Variants in ETV5 observed in about 807,000 individuals in gnomAD.
The protein encoded by ETV5 is ETS variant transcription factor 5, also known as ETS translocation variant 5.
In ETV5, 10 loss-of-function variants were observed where a neutral mutation model predicts 70.0. That is an observed-to-expected ratio of 0.14 (90% CI 0.09 to 0.24). The LOEUF (loss-of-function observed/expected upper bound fraction) is 0.24, where lower values mean the gene tolerates loss of function less well. ETV5 is among the 10% of genes least tolerant of loss of function. ETV5 has a pLI of 1.00. For missense variants in ETV5, 453 were observed against 651.2 expected, an observed-to-expected ratio of 0.70 and a Z score of 3.31; for synonymous variants, 216 against 242.2, an observed-to-expected ratio of 0.89 and a Z score of 1.01.
intron 5 of ETV5, among the ~76,000 whole-genome samples, chr3:186,085,810 G>GC (rs1336396337): frequency 6.6e-6 from 1 of 152,088 alleles, no homozygotes; most frequent in Non-Finnish European, 1.5e-5. Flanking sequence ...GTACCCGGCA[G>GC]CCTTCACTTT....
At chr3:186,058,650 G>A (rs930734660) in intron 9 of ETV5, among the ~76,000 whole-genome samples, 1 of 152,198 alleles carries the variant, frequency 6.6e-6, no homozygotes, top group African/African-American at 2.4e-5. Flanking sequence ...CAATTATAAG[G>A]TTTAAGGGTT....
chr3:186,098,971 C>A (rs1456673099), intron 5 of ETV5, among the ~76,000 whole-genome samples: 1 of 152,188 alleles, frequency 6.6e-6, no homozygotes, highest in Non-Finnish European at 1.5e-5. Context: ...CAGCCTCAAA[C>A]TCCTGGCCTT....
At chr3:186,080,168 T>C in intron 6 of ETV5, 64 bp from the exon 7 acceptor site, 2 of 1,363,974 alleles carry the variant, frequency 1.5e-6, no homozygotes, top group Non-Finnish European at 1.9e-6. Flanking sequence ...GGTTACCAGG[T>C]CCAGCAGAAA....
Position 186,057,312 on chromosome 3 carries a change from G to A in ETV5, c.1040-68C>T, listed in dbSNP as rs1481570046. On this transcript the variant is annotated intron_variant, in intron 10 of 12. Coordinates refer to ENST00000306376, the MANE Select transcript of ETV5 (RefSeq NM_004454.3). This position sits in a 1 kb window ranked among gnomAD's most constrained non-coding sequence, Gnocchi z 4.9. ...GTTTCTCAGGTGGTTGGGACAAAAA[G>A]GAGTTGTTCATGCTGATTTAATCAC... is the stretch of plus-strand genomic sequence containing the variant. 8 of 1,608,940 alleles carry A rather than the reference G, an allele frequency of 5.0e-6. No individual in the cohort carries two copies. In the Admixed American group the frequency reaches 1.3e-4, roughly 27 times the overall value.
chr3:186,051,962 T>A, intron 12 of ETV5, 68 bp downstream of exon 12: 1 of 1,505,464 alleles, frequency 6.6e-7, no homozygotes. Context: ...CCAGTCTCAC[T>A]ACAGAAGCCC....
At chr3:186,108,460 T>G (rs778537803) in intron 1 of ETV5, 30 of 1,219,270 alleles carry the variant, frequency 2.5e-5, no homozygotes, top group Non-Finnish European at 3.1e-5. Context: ...CACTTGCCTG[T>G]GTCATTTACC....
At chr3:186,058,595 A>C (rs549383935) in intron 9 of ETV5, among the ~76,000 whole-genome samples, 25 of 152,212 alleles carry the variant, frequency 1.6e-4, no homozygotes, top group Non-Finnish European at 3.1e-4. Context: ...GACTTAAAAA[A>C]TCCACGAGGC....
At chr3:186,101,710 T>A (rs532300091) in intron 5 of ETV5, among the ~76,000 whole-genome samples, 2 of 152,330 alleles carry the variant, frequency 1.3e-5, no homozygotes, top group East Asian at 3.9e-4. Flanking sequence ...TCTTTAAGAA[T>A]ATTATTTTAT....
rs771152181 is a variant in ETV5, at chr3:186,048,798, A to G, written c.1374T>C (p.Ala458=). 3 of 1,614,170 alleles carry G rather than the reference A, an allele frequency of 1.9e-6. No homozygotes were observed. Among genetic ancestry groups the G allele is most frequent in the Non-Finnish European group, 2.5e-6 (3 of 1,180,020 alleles). ...GGAACGGACGCTGGTTATCCGGGAA[A>G]GCCATGGAGAAGAGGGCATCTGGGT... ...VCDPDALFSM[A]FPDNQRPFLK... Residue 458 remains alanine (A), a synonymous_variant, in exon 13 of 13, where the codon GCT becomes GCC. Transcript: ENST00000306376.
At chr3:186,108,045 A>C (rs982487725) in intron 1 of ETV5, among the ~76,000 whole-genome samples, 9 of 150,972 alleles carry the variant, frequency 6.0e-5, no homozygotes, top group African/African-American at 2.2e-4. Flanking sequence ...CAACGAAAGA[A>C]ACCCGCTTCA....
At chr3:186,075,300 G>C (rs1713755428) in intron 7 of ETV5, among the ~76,000 whole-genome samples, 1 of 152,230 alleles carries the variant, frequency 6.6e-6, no homozygotes, top group East Asian at 1.9e-4. Context: ...GGCACTTGGA[G>C]AAGAGATGCA....
In ETV5 at chr3:186,074,112, G is replaced by GA. The variant is rs535991849; in HGVS notation, c.650+5704dup. 1.4e-4 allele frequency among the ~76,000 whole-genome samples: 21 copies of GA among 148,746 alleles called. No homozygotes were observed. The East Asian group carries it at 1.6e-3, about 11-fold the overall frequency. ...GACAATATTGTCTGCCAAGACTAAG[G>GA]AAAAAAAAAGGTCTATATAAATAAT... On this transcript the variant is annotated intron_variant, in intron 7 of 12. Coordinates refer to ENST00000306376, the MANE Select transcript of ETV5 (RefSeq NM_004454.3).
rs2150142307 is a variant in ETV5 at position 186,057,058 on chromosome 3, C to T, written c.1209+17G>A. 6.2e-7 allele frequency: 1 copy of T among 1,605,028 alleles called. No homozygotes were observed. Among genetic ancestry groups the T allele is most frequent in the African/African-American group, 1.3e-5 (1 of 74,796 alleles). On this transcript the variant is annotated intron_variant, in intron 11 of 12. Transcript: ENST00000306376. This position sits in a 1 kb window ranked among gnomAD's most constrained non-coding sequence, Gnocchi z 4.9. Reference sequence around the variant, plus strand: ...CAACAAATCAAAACCCGTCTGAGTCCAGCATCCAGTGCATACCTCTTCCGG... The same window carrying T: ...CAACAAATCAAAACCCGTCTGAGTCTAGCATCCAGTGCATACCTCTTCCGG...
intron 8 of ETV5, among the ~76,000 whole-genome samples, chr3:186,065,155 G>A (rs1387119252): frequency 6.6e-6 from 1 of 152,152 alleles, no homozygotes; most frequent in African/African-American, 2.4e-5. Context: ...CATGTGGGAT[G>A]AGCCATCACC....
In ETV5 at chr3:186,075,091, G is replaced by T. The variant is rs191486814; in HGVS notation, c.650+4726C>A. 1.5e-3 allele frequency among the ~76,000 whole-genome samples: 228 copies of T among 152,204 alleles called. 2 individuals are homozygous for T. The highest frequency in any genetic ancestry group is 5.5e-3 in the Admixed American group (84 of 15,304). ...GAAATGTCCTTTAGCTTGTTAAAAG[G>T]TAACAAGAAGCCTACAGTAAACATG... On this transcript the variant is annotated intron_variant, in intron 7 of 12. Transcript: ENST00000306376.
intron 5 of ETV5, among the ~76,000 whole-genome samples, chr3:186,088,535 T>C (rs927324995): frequency 1.3e-5 from 2 of 152,102 alleles, no homozygotes. Flanking sequence ...ACATACTGCA[T>C]AGTCCAAGAA....
At chr3:186,083,897 T>C (rs1713992228) in intron 5 of ETV5, among the ~76,000 whole-genome samples, 1 of 151,746 alleles carries the variant, frequency 6.6e-6, no homozygotes, top group Non-Finnish European at 1.5e-5. Context: ...GCCCTGTGAG[T>C]GGTGAGGAAC....
At chr3:186,093,062 A>T (rs1714219816) in intron 5 of ETV5, among the ~76,000 whole-genome samples, 1 of 152,194 alleles carries the variant, frequency 6.6e-6, no homozygotes, top group South Asian at 2.1e-4. Flanking sequence ...GCTCCCTGGA[A>T]TGTGGGCTAT....
In ETV5 at chr3:186,052,808, C is replaced by A. The variant is rs1254886407; in HGVS notation, c.1210-677G>T. ...TCCAACCCAGTCCACCTGAGGCACA[C>A]TGATAGGGCAATATAATTGGAGCTC... is the stretch of plus-strand genomic sequence containing the variant. On this transcript the variant is annotated intron_variant, in intron 11 of 12. Coordinates refer to ENST00000306376, the MANE Select transcript of ETV5 (RefSeq NM_004454.3). The surrounding 1 kb of genome is among the most constrained non-coding windows in gnomAD (Gnocchi z 4.5). Among the ~76,000 whole-genome samples, 1 of 152,206 alleles carries A rather than the reference C, an allele frequency of 6.6e-6. No individual in the cohort carries two copies. Among genetic ancestry groups the A allele is most frequent in the Non-Finnish European group, 1.5e-5 (1 of 68,038 alleles).
Sources: gnomAD v4.1 joint callset for allele counts (sites outside exome capture counted in the v4.1 genomes callset) on GRCh38, gnomAD v4.1.1 for gene constraint, Gnocchi (gnomAD v3.1) non-coding constraint, MANE v1.5 for transcripts, NCBI Gene and HGNC (gene_info 2026-07-23, HGNC 2026-07-21) for gene names.